ACSBG1: variants seen among roughly 807,000 people sequenced by gnomAD.
ACSBG1 encodes long-chain-fatty-acid--CoA ligase ACSBG1.
Under a neutral mutation model 80.2 loss-of-function variants are expected in ACSBG1, and 39 were observed. The ratio of observed to expected loss-of-function variants is 0.49; its 90% CI spans 0.38 to 0.64. The LOEUF is 0.64. Ranked by LOEUF, ACSBG1 falls within the 30% of genes least tolerant of loss-of-function variation. The pLI is 0.00. For synonymous variants in ACSBG1, 392 were observed against 379.5 expected (o/e 1.03, Z -0.38); for missense variants, 828 against 966.4 (o/e 0.86, Z 1.90).
intron 12 of ACSBG1, among the ~76,000 whole-genome samples, chr15:78,174,137 G>A (rs1443461434): frequency 1.3e-5 from 2 of 152,182 alleles, no homozygotes; most frequent in Admixed American, 6.5e-5. Context: ...AATGAGGGAG[G>A]GCAGCAGCAC....
intron 5 of ACSBG1, among the ~76,000 whole-genome samples, chr15:78,193,071 C>G (rs944418049): frequency 2.0e-5 from 3 of 152,144 alleles, no homozygotes; most frequent in Non-Finnish European, 4.4e-5. Context: ...TCAACCCCCA[C>G]CCTGTGGCAG....
intron 1 of ACSBG1, among the ~76,000 whole-genome samples, chr15:78,227,570 G>A (rs1198269806): frequency 6.6e-6 from 1 of 152,140 alleles, no homozygotes; most frequent in African/African-American, 2.4e-5. Context: ...ACAAAGATGT[G>A]GGAACTTCTG....
chr15:78,184,375 G>A (rs1192620074), intron 5 of ACSBG1, among the ~76,000 whole-genome samples: 1 of 151,870 alleles, frequency 6.6e-6, no homozygotes, highest in African/African-American at 2.4e-5. Context: ...AGACAGGGGG[G>A]TCTCACTATG....
intron 3 of ACSBG1, 105 bp from the exon 4 acceptor site, chr15:78,194,125 C>T: frequency 9.1e-7 from 1 of 1,100,254 alleles, no homozygotes; most frequent in Admixed American, 2.0e-5. Flanking sequence ...CAGGCTCCAC[C>T]CTCCCAGGGT....
intron 1 of ACSBG1, among the ~76,000 whole-genome samples, chr15:78,215,037 C>A (rs1198148946): frequency 1.3e-5 from 2 of 152,154 alleles, no homozygotes; most frequent in Non-Finnish European, 2.9e-5. Flanking sequence ...GGAGCCCCCC[C>A]ATAGACCCCC....
chr15:78,180,620 G>T (rs2074932122), intron 9 of ACSBG1, 135 bp downstream of exon 9: 2 of 1,099,666 alleles, frequency 1.8e-6, no homozygotes, highest in Non-Finnish European at 2.5e-6. Context: ...CATTGATGGG[G>T]CCTCTGCACG....
intron 5 of ACSBG1, among the ~76,000 whole-genome samples, chr15:78,185,996 AT>A (rs1464169387): frequency 6.6e-6 from 1 of 152,256 alleles, no homozygotes; most frequent in Non-Finnish European, 1.5e-5. Flanking sequence ...TCAGACCTGT[AT>A]TATAAGAAAT....
At chr15:78,221,134 G>A (rs2075356610) in intron 1 of ACSBG1, among the ~76,000 whole-genome samples, 1 of 152,312 alleles carries the variant, frequency 6.6e-6, no homozygotes, top group African/African-American at 2.4e-5. Context: ...AAGACACAGA[G>A]ACAAAGATAT....
chr15:78,173,494 CT>C, intron 13 of ACSBG1, 98 bp downstream of exon 13: 1 of 1,514,416 alleles, frequency 6.6e-7, no homozygotes. Context: ...CCATGACCTT[CT>C]CTTTGCCGTG....
At chr15:78,194,139 CTCAG>C in intron 3 of ACSBG1, 119 bp from the exon 4 acceptor site, 1 of 963,560 alleles carries the variant, frequency 1.0e-6, no homozygotes, top group African/African-American at 1.6e-5. Flanking sequence ...CCAGGGTCCC[CTCAG>C]TCAGAGAATC....
At chr15:78,215,450 A>G (rs1425207875) in intron 1 of ACSBG1, among the ~76,000 whole-genome samples, 1 of 152,162 alleles carries the variant, frequency 6.6e-6, no homozygotes, top group Non-Finnish European at 1.5e-5. Context: ...TGAGGTCAAG[A>G]GTTCAAGACC....
At chr15:78,213,006 C>G (rs2075280343) in intron 1 of ACSBG1, among the ~76,000 whole-genome samples, 1 of 152,186 alleles carries the variant, frequency 6.6e-6, no homozygotes, top group Non-Finnish European at 1.5e-5. Flanking sequence ...TCACCAGCCT[C>G]CCCATCACTT....
In ACSBG1 at chr15:78,221,814, G is replaced by A. The variant is rs146377760; in HGVS notation, c.131+12557C>T. ...ATGACTTTTACCAAGCATACTGCCT[G>A]CAAACATATTGTTAACAAGGCACAT... is the stretch of plus-strand genomic sequence containing the variant. On this transcript the variant is annotated intron_variant, in intron 1 of 13. Coordinates refer to ENST00000258873, the MANE Select transcript of ACSBG1 (RefSeq NM_015162.5). Among the ~76,000 whole-genome samples the A allele has an allele frequency of 4.7e-3, 722 of 152,288 alleles. 8 individuals are homozygous for A. Among genetic ancestry groups the A allele is most frequent in the African/African-American group, 0.017 (689 of 41,558 alleles).
In ACSBG1 at chr15:78,174,762, G is replaced by C. The variant is rs1263033405; in HGVS notation, c.1703-238C>G. 7.4e-6 allele frequency: 4 copies of C among 539,014 alleles called. No homozygotes were observed. In the East Asian group the frequency reaches 1.3e-4, roughly 18 times the overall value. 33.4% of individuals were successfully genotyped at this position (539,014 alleles called of 1,614,324 possible). A position where few individuals can be genotyped will look rare whatever the true frequency, so the allele number is the denominator to read the frequency against. On this transcript the variant is annotated intron_variant, in intron 11 of 13. Coordinates refer to ENST00000258873, the MANE Select transcript of ACSBG1 (RefSeq NM_015162.5). ...TCCCTCTCCTCGGCTTGTCATCCACGACTCAGCCTGCTCAGACATCTCATC... is the reference window on the plus strand; with the variant it reads ...TCCCTCTCCTCGGCTTGTCATCCACCACTCAGCCTGCTCAGACATCTCATC...
intron 12 of ACSBG1, among the ~76,000 whole-genome samples, chr15:78,174,157 G>A (rs560479900): frequency 1.8e-3 from 280 of 152,300 alleles, no homozygotes; most frequent in Non-Finnish European, 3.2e-3. Context: ...CTTTGTAGAC[G>A]GGAAAGTGCC....
chr15:78,178,888 A>T lies in ACSBG1; in HGVS notation c.1485-57T>A. 2.0e-6 allele frequency: 3 copies of T among 1,524,070 alleles called. No individual in the cohort carries two copies. The highest frequency in any genetic ancestry group is 2.6e-6 in the Non-Finnish European group (3 of 1,136,266). The allele number at this position is 1,524,070 out of a possible 1,614,324, so 94.4% of individuals were successfully genotyped here. A position where few individuals can be genotyped will look rare whatever the true frequency, so the allele number is the denominator to read the frequency against. Reference sequence around the variant, plus strand: ...AGGGAGCCGTCTCCTCCAAGCCCCCACTGGGGAGCCGGGGTCCCAACTGCT... The same window carrying T: ...AGGGAGCCGTCTCCTCCAAGCCCCCTCTGGGGAGCCGGGGTCCCAACTGCT... On this transcript the variant is annotated intron_variant, in intron 10 of 13. Coordinates refer to ENST00000258873, the MANE Select transcript of ACSBG1 (RefSeq NM_015162.5). The surrounding 1 kb of genome is among the most constrained non-coding windows in gnomAD (Gnocchi z 4.3).
intron 13 of ACSBG1, 127 bp downstream of exon 13, chr15:78,173,466 G>A: frequency 7.6e-7 from 1 of 1,310,362 alleles, no homozygotes; most frequent in South Asian, 1.4e-5. Flanking sequence ...AAGTAGATGG[G>A]TGTCACCCAG....
chr15:78,207,928 A>ACCCCCCCCCC, intron 2 of ACSBG1, 74 bp downstream of exon 2: 1 of 383,788 alleles, frequency 2.6e-6, no homozygotes, highest in Non-Finnish European at 5.2e-6. Flanking sequence ...CCCCCACACC[A>ACCCCCCCCCC]CCCACCCCTC....
chr15:78,180,693 T>C, intron 9 of ACSBG1, 62 bp downstream of exon 9: 1 of 1,564,480 alleles, frequency 6.4e-7, no homozygotes, highest in Non-Finnish European at 8.7e-7. Flanking sequence ...ACCCTCACTG[T>C]GTTTTGGGTT....
Sources: allele counts gnomAD v4.1 joint callset (sites outside exome capture counted in the v4.1 genomes callset), GRCh38; gene constraint gnomAD v4.1.1; non-coding constraint Gnocchi (gnomAD v3.1); transcripts MANE v1.5; gene names NCBI Gene and HGNC (gene_info 2026-07-23, HGNC 2026-07-21).